The following NTM variants were observed in gnomAD, a reference collection of about 807,000 sequenced individuals.
NTM encodes the protein IgLON family member 2.
NTM carries 13 observed loss-of-function variants against 42.1 expected under a neutral mutation model. That is an observed-to-expected ratio of 0.31 (90% CI 0.20 to 0.49). The LOEUF is 0.49. Ranked by LOEUF, NTM falls within the 20% of genes least tolerant of loss-of-function variation. The pLI, the probability that NTM is intolerant of heterozygous loss-of-function variation, is 0.99. For synonymous variants in NTM, 187 were observed against 179.2 expected (o/e 1.04, Z -0.35); for missense variants, 373 against 452.8 (o/e 0.82, Z 1.60).
At chr11:132,039,495 G>T (rs2076923066) in intron 2 of NTM, among the ~76,000 whole-genome samples, 1 of 150,234 alleles carries the variant, frequency 6.7e-6, no homozygotes, top group Admixed American at 6.7e-5. Context: ...AGGCTCAAGC[G>T]ATTGCTGTAA....
chr11:131,647,033 G>C (rs1463621759), intron 1 of NTM, among the ~76,000 whole-genome samples: 1 of 152,128 alleles, frequency 6.6e-6, no homozygotes, highest in African/African-American at 2.4e-5. Flanking sequence ...CCAGGCCTTC[G>C]GCTGTGTGTG....
At chr11:131,659,067 G>T (rs1340586114) in intron 1 of NTM, among the ~76,000 whole-genome samples, 1 of 152,288 alleles carries the variant, frequency 6.6e-6, no homozygotes, top group African/African-American at 2.4e-5. Flanking sequence ...AGATAGAAAA[G>T]ACCTCTGGTA....
chr11:131,562,642 A>T (rs973654206), intron 1 of NTM, among the ~76,000 whole-genome samples: 1 of 152,112 alleles, frequency 6.6e-6, no homozygotes, highest in Non-Finnish European at 1.5e-5. Context: ...TCTAAAATTC[A>T]CTTTCGCTAC....
chr11:132,210,845 G>T (rs2082715010), intron 3 of NTM, among the ~76,000 whole-genome samples: 1 of 152,116 alleles, frequency 6.6e-6, no homozygotes, highest in African/African-American at 2.4e-5. Context: ...AGCTTCAGAA[G>T]GTTCCAAAAT....
intron 2 of NTM, among the ~76,000 whole-genome samples, chr11:131,932,965 T>C (rs2134112989): frequency 6.6e-6 from 1 of 152,268 alleles, no homozygotes; most frequent in South Asian, 2.1e-4. Context: ...ATAATGGGAT[T>C]AATAAATAGA....
chr11:132,188,117 T>C (rs1194168663), intron 3 of NTM, among the ~76,000 whole-genome samples: 1 of 152,114 alleles, frequency 6.6e-6, no homozygotes, highest in Non-Finnish European at 1.5e-5. Flanking sequence ...TGTGTGTGTT[T>C]GTGTGTCAGG....
intron 2 of NTM, among the ~76,000 whole-genome samples, chr11:131,999,279 AG>A (rs1169638194): frequency 6.6e-6 from 1 of 152,092 alleles, no homozygotes; most frequent in Non-Finnish European, 1.5e-5. Flanking sequence ...TGCTTGTGGG[AG>A]TACCATTCTG....
chr11:131,714,392 T>C (rs551718085), intron 1 of NTM, among the ~76,000 whole-genome samples: 1 of 152,164 alleles, frequency 6.6e-6, no homozygotes, highest in South Asian at 2.1e-4. Flanking sequence ...AGTTTCACCA[T>C]GTTGGCCAGG....
At chr11:131,960,075 G>A (rs1289297369) in intron 2 of NTM, among the ~76,000 whole-genome samples, 1 of 152,274 alleles carries the variant, frequency 6.6e-6, no homozygotes, top group African/African-American at 2.4e-5. Flanking sequence ...TCCTTCCAGG[G>A]CAAGGGTGTT....
chr11:131,721,127 C>CA (rs112854790), intron 1 of NTM, among the ~76,000 whole-genome samples: 236 of 143,658 alleles, frequency 1.6e-3, no homozygotes, highest in African/African-American at 4.1e-3. Context: ...ATTATCTCTA[C>CA]AAAAAAAAAA....
chr11:131,959,445 T>C (rs1040105879), intron 2 of NTM, among the ~76,000 whole-genome samples: 2 of 151,918 alleles, frequency 1.3e-5, no homozygotes, highest in East Asian at 1.9e-4. Flanking sequence ...CTGGGCAACA[T>C]AGAGAAACCC....
intron 1 of NTM, among the ~76,000 whole-genome samples, chr11:131,813,282 T>C (rs577739126): frequency 6.6e-6 from 1 of 152,218 alleles, no homozygotes; most frequent in Non-Finnish European, 1.5e-5. Flanking sequence ...GCATCTGTGC[T>C]TTATGATTCA....
intron 4 of NTM, among the ~76,000 whole-genome samples, chr11:132,297,831 T>A (rs981452554): frequency 1.3e-5 from 2 of 152,130 alleles, no homozygotes; most frequent in Admixed American, 1.3e-4. Context: ...TACATCCTTT[T>A]CAGAGAGCTG....
chr11:131,566,579 C>A (rs1457091916), intron 1 of NTM, among the ~76,000 whole-genome samples: 1 of 152,188 alleles, frequency 6.6e-6, no homozygotes, highest in Non-Finnish European at 1.5e-5. Context: ...CCCCGCCATT[C>A]TGTTAATTGA....
chr11:132,192,636 A>G (rs2079494297), intron 3 of NTM, among the ~76,000 whole-genome samples: 1 of 152,198 alleles, frequency 6.6e-6, no homozygotes, highest in Admixed American at 6.5e-5. Flanking sequence ...ATGACAGGAT[A>G]CAATCCTCAC....
chr11:131,572,137 C>T (rs530670858), intron 1 of NTM, among the ~76,000 whole-genome samples: 12 of 152,246 alleles, frequency 7.9e-5, no homozygotes, highest in African/African-American at 1.4e-4. Context: ...GGTGCCCTCT[C>T]GCATGCAGAG....
intron 1 of NTM, among the ~76,000 whole-genome samples, chr11:131,746,341 A>G (rs1163892965): frequency 1.3e-5 from 2 of 152,090 alleles, no homozygotes. Context: ...GCTCTTTTTC[A>G]ACGCCGGAAA....
intron 4 of NTM, among the ~76,000 whole-genome samples, chr11:132,287,534 G>A (rs1023643131): frequency 2.0e-5 from 3 of 152,006 alleles, no homozygotes; most frequent in Non-Finnish European, 4.4e-5. Flanking sequence ...GAAAAGATCT[G>A]GTTTATATTT....
intron 1 of NTM, among the ~76,000 whole-genome samples, chr11:131,567,396 G>A (rs905418930): frequency 2.0e-5 from 3 of 152,170 alleles, no homozygotes; most frequent in African/African-American, 7.2e-5. Flanking sequence ...CTGAGGCAGG[G>A]CAATGGCTTG....
Sources: gnomAD v4.1 joint callset for allele counts (sites outside exome capture counted in the v4.1 genomes callset) on GRCh38, gnomAD v4.1.1 for gene constraint, MANE v1.5 for transcripts, NCBI Gene and HGNC (gene_info 2026-07-23, HGNC 2026-07-21) for gene names.